Variants in QTMAN observed in about 807,000 individuals in gnomAD.
The protein encoded by QTMAN is queuosine-tRNA mannosyltransferase, also known as tRNA-queuosine alpha-mannosyltransferase.
the QTMAN span, among the ~76,000 whole-genome samples, chr2:144,314,922 G>C: frequency 1.3e-5 from 2 of 152,090 alleles, no homozygotes; most frequent in African/African-American, 4.8e-5. Context: ...GTCTTGCTCT[G>C]TCGCCTAGGC....
chr2:143,977,411 G>A, the QTMAN span, among the ~76,000 whole-genome samples: 2 of 152,220 alleles, frequency 1.3e-5, no homozygotes, highest in Non-Finnish European at 2.9e-5. Context: ...CTGATGGAGA[G>A]GAGCAGAGGA....
At chr2:144,263,771 G>C in the QTMAN span, among the ~76,000 whole-genome samples, 1 of 152,076 alleles carries the variant, frequency 6.6e-6, no homozygotes, top group African/African-American at 2.4e-5. Context: ...ATACTTTCCA[G>C]CTTTAAAATT....
chr2:144,330,999 T>TA, the QTMAN span, among the ~76,000 whole-genome samples: 11 of 152,350 alleles, frequency 7.2e-5, no homozygotes, highest in South Asian at 2.1e-4. Flanking sequence ...CTGGTGATGT[T>TA]AAAAAATTTA....
At chr2:144,142,380 G>A in the QTMAN span, among the ~76,000 whole-genome samples, 6,725 of 151,730 alleles carry the variant, frequency 0.044, 494 homozygotes, top group African/African-American at 0.15. Context: ...ACAACACTAC[G>A]TACAGCAATT....
At chr2:144,056,151 A>G in the QTMAN span, among the ~76,000 whole-genome samples, 5 of 152,222 alleles carry the variant, frequency 3.3e-5, no homozygotes, top group Non-Finnish European at 2.9e-5. Context: ...ATGATGTCAT[A>G]TTTAAAGAAG....
the QTMAN span, chr2:143,944,236 T>C: frequency 6.7e-6 from 1 of 148,394 alleles, no homozygotes; most frequent in Non-Finnish European, 1.5e-5. Flanking sequence ...TGAATGTGCG[T>C]GTGCACACAC....
chr2:144,165,891 T>C, the QTMAN span, among the ~76,000 whole-genome samples: 5 of 152,116 alleles, frequency 3.3e-5, no homozygotes, highest in African/African-American at 1.2e-4. Flanking sequence ...ATTCATAAAC[T>C]TTTACATAGT....
chr2:144,022,381 C>T, the QTMAN span, among the ~76,000 whole-genome samples: 1 of 151,838 alleles, frequency 6.6e-6, no homozygotes, highest in Non-Finnish European at 1.5e-5. Context: ...CCTCCAATTT[C>T]TAGGCACAAG....
At chr2:143,996,322 T>C in the QTMAN span, among the ~76,000 whole-genome samples, 258 of 152,182 alleles carry the variant, frequency 1.7e-3, no homozygotes, top group African/African-American at 6.0e-3. Flanking sequence ...CCCACATCAC[T>C]TTTTTCTATT....
chr2:144,041,125 C>T, the QTMAN span, among the ~76,000 whole-genome samples: 2 of 152,116 alleles, frequency 1.3e-5, no homozygotes, highest in Non-Finnish European at 2.9e-5. Flanking sequence ...TTTCACAATC[C>T]TATATGCTAA....
At chr2:144,006,999 G>A in the QTMAN span, 12 of 480,992 alleles carry the variant, frequency 2.5e-5, no homozygotes, top group Admixed American at 2.4e-4. Flanking sequence ...TTTAATCTAA[G>A]CACATGACCA....
At chr2:144,141,858 G>A in the QTMAN span, 1 of 1,532,444 alleles carries the variant, frequency 6.5e-7, no homozygotes, top group Non-Finnish European at 8.9e-7. Context: ...ACACAATATT[G>A]AGAACAGAGT....
At chr2:144,076,907 C>T in the QTMAN span, among the ~76,000 whole-genome samples, 382 of 151,250 alleles carry the variant, frequency 2.5e-3, 5 homozygotes, top group Admixed American at 0.023. Flanking sequence ...TCACTTGGGC[C>T]GAGGAGTTCA....
chr2:143,956,445 CTATA>C, the QTMAN span, among the ~76,000 whole-genome samples: 1 of 151,640 alleles, frequency 6.6e-6, no homozygotes, highest in African/African-American at 2.4e-5. Context: ...ATATTATATG[CTATA>C]TATATATTAC....
At chr2:143,999,668 C>G in the QTMAN span, among the ~76,000 whole-genome samples, 1 of 152,028 alleles carries the variant, frequency 6.6e-6, no homozygotes, top group Non-Finnish European at 1.5e-5. Flanking sequence ...TCACCCACCC[C>G]TGACTATGAT....
the QTMAN span, among the ~76,000 whole-genome samples, chr2:144,233,981 A>G: frequency 6.6e-6 from 1 of 152,142 alleles, no homozygotes; most frequent in Non-Finnish European, 1.5e-5. Flanking sequence ...ATCTGATGCC[A>G]CAAAGGCAGA....
chr2:144,114,085 A>C, the QTMAN span, among the ~76,000 whole-genome samples: 5 of 152,182 alleles, frequency 3.3e-5, no homozygotes, highest in Non-Finnish European at 4.4e-5. Context: ...GAAAGGTAAG[A>C]AGCTCAGCAG....
the QTMAN span, among the ~76,000 whole-genome samples, chr2:144,174,927 C>G: frequency 5.9e-5 from 9 of 152,050 alleles, no homozygotes; most frequent in African/African-American, 2.2e-4. Context: ...GCAGTAAAAC[C>G]AAAAACAGTG....
chr2:144,130,426 A>G, the QTMAN span, among the ~76,000 whole-genome samples: 1 of 151,918 alleles, frequency 6.6e-6, no homozygotes, highest in African/African-American at 2.4e-5. Flanking sequence ...ATCAAAAAAC[A>G]CAAAACACTA....
Sources: allele counts gnomAD v4.1 joint callset (sites outside exome capture counted in the v4.1 genomes callset), GRCh38; gene constraint gnomAD v4.1.1; transcripts MANE v1.5; gene names NCBI Gene and HGNC (gene_info 2026-07-23, HGNC 2026-07-21).